Variants in RAB27A observed in about 807,000 individuals in gnomAD.
The protein encoded by RAB27A is RAB27A, member RAS oncogene family, also known as ras-related protein Rab-27A.
In RAB27A, 17 loss-of-function variants were observed where a neutral mutation model predicts 20.8. The observed-to-expected ratio is 0.82, with a 90% CI of 0.56 to 1.23. The LOEUF is 1.23. Among genes scored for constraint, RAB27A ranks in the 50% most tolerant of loss-of-function variants. The probability of loss-of-function intolerance (pLI) is 0.00; values close to 1 mark genes in which losing one functional copy is unlikely to be tolerated. For missense variants in RAB27A, 277 were observed against 266.7 expected, an observed-to-expected ratio of 1.04 and a Z score of -0.27; for synonymous variants, 85 against 92.8, an observed-to-expected ratio of 0.92 and a Z score of 0.48.
chr15:55,228,487 TA>T, intron 5 of RAB27A, 121 bp downstream of exon 5: 2 of 796,548 alleles, frequency 2.5e-6, no homozygotes, highest in Non-Finnish European at 4.3e-6. Flanking sequence ...CCTTGCTCCT[TA>T]AAATAGTATT....
intron 2 of RAB27A, among the ~76,000 whole-genome samples, chr15:55,296,258 G>A (rs998069154): frequency 6.7e-6 from 1 of 149,364 alleles, no homozygotes; most frequent in Non-Finnish European, 1.5e-5. Flanking sequence ...TGTAAGCCCA[G>A]CACTTTGGGA....
intron 6 of RAB27A, among the ~76,000 whole-genome samples, chr15:55,214,392 C>T (rs752767929): frequency 1.3e-5 from 2 of 152,136 alleles, no homozygotes; most frequent in East Asian, 1.9e-4. Context: ...GCCAAGATCA[C>T]GCCACTGCAC....
chr15:55,248,047 C>T (rs11634479), intron 2 of RAB27A, among the ~76,000 whole-genome samples: 55,072 of 151,326 alleles, frequency 0.36, 11,660 homozygotes, highest in Non-Finnish European at 0.48. Flanking sequence ...CATTCTCCTG[C>T]CTCAGCCTCC....
At position 55,261,428 on chromosome 15, in the gene RAB27A, T is replaced by G. The variant is rs1014472359; in HGVS notation, c.-23+8737A>C. On this transcript the variant is annotated intron_variant, in intron 2 of 6. Transcript: ENST00000336787. ...AAATAAAAATAATAAATAAATAAAC[T>G]CTAAGAAAAGAATATTTTTGGCTGG... Among the ~76,000 whole-genome samples the G allele has an allele frequency of 2.0e-5, 3 of 149,526 alleles. No individual in the cohort carries two copies. In the South Asian group the frequency reaches 6.4e-4, roughly 32 times the overall value.
In RAB27A at chr15:55,238,782, T is replaced by C. The variant is rs146314130; in HGVS notation, c.-22-3826A>G. On this transcript the variant is annotated intron_variant, in intron 2 of 6. Coordinates refer to ENST00000336787, the MANE Select transcript of RAB27A (RefSeq NM_183235.3). ...TCAAATAATTCTGATCCTTTTTGGC[T>C]GGTTCTAACCATTTGCAATTCATTT... Among the ~76,000 whole-genome samples, 6 of 152,370 alleles carry C rather than the reference T, an allele frequency of 3.9e-5. No individual in the cohort carries two copies. The East Asian group carries it at 1.2e-3, about 29-fold the overall frequency.
At chr15:55,278,156 T>C (rs1327293626) in intron 1 of RAB27A, among the ~76,000 whole-genome samples, 1 of 152,246 alleles carries the variant, frequency 6.6e-6, no homozygotes, top group Non-Finnish European at 1.5e-5. Flanking sequence ...CTGCAATGTT[T>C]GCTTTTGTGA....
At chr15:55,275,494 G>A (rs1344027740) in intron 1 of RAB27A, among the ~76,000 whole-genome samples, 2 of 151,334 alleles carry the variant, frequency 1.3e-5, no homozygotes, top group African/African-American at 4.8e-5. Context: ...GGGCACGGTG[G>A]TGGGCACCTG....
At chr15:55,269,468 C>T (rs566921672) in intron 2 of RAB27A, among the ~76,000 whole-genome samples, 1 of 152,236 alleles carries the variant, frequency 6.6e-6, no homozygotes, top group South Asian at 2.1e-4. Context: ...ACTTTTAGGC[C>T]GGGCACGGTG....
intron 1 of RAB27A, among the ~76,000 whole-genome samples, chr15:55,273,789 C>A (rs1056678437): frequency 9.2e-5 from 14 of 152,168 alleles, no homozygotes; most frequent in African/African-American, 3.4e-4. Context: ...GATAACCATA[C>A]AATAATAGTA....
At chr15:55,253,739 T>TA (rs781690695) in intron 2 of RAB27A, among the ~76,000 whole-genome samples, 3,985 of 144,234 alleles carry the variant, frequency 0.028, 90 homozygotes, top group Middle Eastern at 0.062. Context: ...GAGCCTTGTT[T>TA]AAAAAAAAAA....
At chr15:55,244,010 G>T (rs914868993) in intron 2 of RAB27A, among the ~76,000 whole-genome samples, 16 of 151,912 alleles carry the variant, frequency 1.1e-4, no homozygotes, top group Admixed American at 6.6e-5. Flanking sequence ...GAATAAAAGT[G>T]TGAAGCTTGG....
rs150577861 is a variant in RAB27A at position 55,206,944 on chromosome 15, C to T, written c.468-1239G>A. 2.6e-3 allele frequency among the ~76,000 whole-genome samples: 394 copies of T among 151,822 alleles called. 5 individuals are homozygous for T. The highest frequency in any genetic ancestry group is 8.5e-3 in the African/African-American group (351 of 41,398). On this transcript the variant is annotated intron_variant, in intron 6 of 6. Transcript: ENST00000336787. Reference sequence around the variant, plus strand: ...TATAACTTGCAAACGGGTTAGCATCCGAAAAAATAATTCCTCAAATGAATT... The same window carrying T: ...TATAACTTGCAAACGGGTTAGCATCTGAAAAAATAATTCCTCAAATGAATT...
At chr15:55,319,096 G>A (rs2055099562) in exon 1 of RAB27A, 2 of 873,340 alleles carry the variant, frequency 2.3e-6, no homozygotes, top group Non-Finnish European at 3.4e-6. Context: ...GAAACCGCAA[G>A]GAGGCCACCA....
At chr15:55,210,165 A>ATGTATGTGTG (rs1894933525) in intron 6 of RAB27A, among the ~76,000 whole-genome samples, 1 of 97,146 alleles carries the variant, frequency 1.0e-5, no homozygotes, top group Non-Finnish European at 2.0e-5. Flanking sequence ...ACATACACAT[A>ATGTATGTGTG]CATATATACG....
chr15:55,241,624 A>ATATATATGTGTGTG (rs377301086), intron 2 of RAB27A, among the ~76,000 whole-genome samples: 2 of 117,648 alleles, frequency 1.7e-5, no homozygotes, highest in African/African-American at 8.7e-5. Context: ...ATATATATAT[A>ATATATATGTGTGTG]TGTGTGTATA....
At chr15:55,253,224 G>A (rs1233928365) in intron 2 of RAB27A, among the ~76,000 whole-genome samples, 2 of 151,282 alleles carry the variant, frequency 1.3e-5, no homozygotes, top group Non-Finnish European at 2.9e-5. Flanking sequence ...AAGGCTGACA[G>A]ATCACCTGAG....
intron 1 of RAB27A, among the ~76,000 whole-genome samples, chr15:55,272,776 A>C (rs973634623): frequency 6.6e-6 from 1 of 152,204 alleles, no homozygotes; most frequent in African/African-American, 2.4e-5. Context: ...AAATGGTAGA[A>C]GCTACAGAGT....
At chr15:55,284,207 C>A (rs182960918) in intron 1 of RAB27A, among the ~76,000 whole-genome samples, 56 of 152,254 alleles carry the variant, frequency 3.7e-4, no homozygotes, top group African/African-American at 1.0e-3. Flanking sequence ...ATAATAAAAT[C>A]TTGTTTAAAA....
At chr15:55,236,009 G>A (rs1241171682) in intron 2 of RAB27A, among the ~76,000 whole-genome samples, 3 of 152,084 alleles carry the variant, frequency 2.0e-5, no homozygotes, top group Admixed American at 6.6e-5. Context: ...GGGGACTCGG[G>A]TGGAAAGGGT....
Sources: allele counts gnomAD v4.1 joint callset (sites outside exome capture counted in the v4.1 genomes callset), GRCh38; gene constraint gnomAD v4.1.1; transcripts MANE v1.5; gene names NCBI Gene and HGNC (gene_info 2026-07-23, HGNC 2026-07-21).